Variants in EFCAB8 observed in about 807,000 individuals in gnomAD.
EFCAB8 encodes the protein EF-hand calcium binding domain 8.
In EFCAB8, 100 loss-of-function variants were observed where a neutral mutation model predicts 116.3. The observed-to-expected ratio is 0.86, with a 90% CI of 0.73 to 1.02. The LOEUF is 1.02. EFCAB8 is among the 50% of genes least tolerant of loss of function. EFCAB8 has a pLI of 0.00. For synonymous variants in EFCAB8, 558 were observed against 567.9 expected (o/e 0.98, Z 0.25); for missense variants, 1,320 against 1,416.9 (o/e 0.93, Z 1.10).
At chr20:32,892,332 G>A (rs770927942) in intron 8 of EFCAB8, 35 bp downstream of exon 8, 1 of 1,544,072 alleles carries the variant, frequency 6.5e-7, no homozygotes, top group South Asian at 1.2e-5. Flanking sequence ...ACATGAACCA[G>A]GAGGCCCAGG....
At chr20:32,933,408 A>G (rs1366273932) in intron 22 of EFCAB8, among the ~76,000 whole-genome samples, 2 of 152,226 alleles carry the variant, frequency 1.3e-5, no homozygotes, top group Non-Finnish European at 2.9e-5. Context: ...CTATGTACAC[A>G]TGTGGAATGA....
chr20:32,911,514 T>C lies in EFCAB8; in HGVS notation c.1592T>C (p.Val531Ala). 1 of 1,507,986 alleles carries C rather than the reference T, an allele frequency of 6.6e-7. No homozygotes were observed. Among genetic ancestry groups the C allele is most frequent in the Non-Finnish European group, 8.9e-7 (1 of 1,122,172 alleles). 93.4% of individuals were successfully genotyped at this position (1,507,986 alleles called of 1,614,324 possible). A position where few individuals can be genotyped will look rare whatever the true frequency, so the allele number is the denominator to read the frequency against. Residue 531 changes from valine (V) to alanine (A), a missense_variant, in exon 16 of 27, where the codon GTG becomes GCG. Physicochemically the swap from Val to Ala is moderately conservative, Grantham distance 64. Coordinates refer to ENST00000400522, the MANE Select transcript of EFCAB8 (RefSeq NM_001143967.2). ...VSGCLRGTVS[V>A]WEVVTGRKTM... ...GGCTGCCTGCGCGGCACAGTGAGTG[T>C]GTGGGAGGTCGTGACGGGCAGGAAG... is the stretch of plus-strand genomic sequence containing the variant.
At chr20:32,921,700 CT>C (rs11472143) in intron 20 of EFCAB8, among the ~76,000 whole-genome samples, 21 of 147,036 alleles carry the variant, frequency 1.4e-4, no homozygotes, top group Admixed American at 3.4e-4. Flanking sequence ...TAGCCTTGTA[CT>C]TTTTTTTTTT....
Position 32,861,189 on chromosome 20 carries a change from C to G in EFCAB8, c.-11+2183C>G, listed in dbSNP as rs142721201. Among the ~76,000 whole-genome samples the G allele has an allele frequency of 5.8e-3, 889 of 152,284 alleles. 7 individuals carry two copies. The highest frequency in any genetic ancestry group is 9.7e-3 in the Non-Finnish European group (663 of 68,032). ...TAATGGTTCACTTTTGGTTTTTGCTCCTATGAATGATGCTGCAGCAATCAC... is the reference window on the plus strand; with the variant it reads ...TAATGGTTCACTTTTGGTTTTTGCTGCTATGAATGATGCTGCAGCAATCAC... On this transcript the variant is annotated intron_variant, in intron 1 of 26. Coordinates refer to ENST00000400522, the MANE Select transcript of EFCAB8 (RefSeq NM_001143967.2).
Position 32,960,130 on chromosome 20 carries a change from C to T in EFCAB8, c.3362C>T (p.Thr1121Ile). Residue 1121 changes from threonine to isoleucine, a missense_variant, in exon 26 of 27, where the codon ACC becomes ATC. Coordinates refer to ENST00000400522, the MANE Select transcript of EFCAB8 (RefSeq NM_001143967.2). Reference sequence around the variant, plus strand: ...TTGCAGAATACCAGGTTCCTGTCCACCAGGGTGCCATATGGCTGGATGAAG... The same window carrying T: ...TTGCAGAATACCAGGTTCCTGTCCATCAGGGTGCCATATGGCTGGATGAAG... ...ERLQNTRFLS[T>I]RVPYGWMKHQ... is the part of the protein sequence containing the mutation. 6.4e-7 allele frequency: 1 copy of T among 1,551,710 alleles called. No individual in the cohort carries two copies. Among genetic ancestry groups the T allele is most frequent in the Non-Finnish European group, 8.7e-7 (1 of 1,146,998 alleles).
intron 22 of EFCAB8, among the ~76,000 whole-genome samples, chr20:32,935,670 C>T (rs1028462193): frequency 5.3e-5 from 8 of 151,992 alleles, no homozygotes; most frequent in Non-Finnish European, 7.4e-5. Flanking sequence ...CCACGCCCAA[C>T]TAATTTTGTA....
intron 7 of EFCAB8, 128 bp from the exon 8 acceptor site, chr20:32,892,085 G>T: frequency 1.3e-6 from 1 of 796,696 alleles, no homozygotes; most frequent in Non-Finnish European, 2.1e-6. Context: ...GCTGTCTGTG[G>T]TTGCCATGGG....
chr20:32,917,442 C>A lies in EFCAB8; in HGVS notation c.1998C>A (p.Gly666=). 2.6e-6 allele frequency: 4 copies of A among 1,552,170 alleles called. No homozygotes were observed. Among genetic ancestry groups the A allele is most frequent in the Non-Finnish European group, 3.5e-6 (4 of 1,147,092 alleles). ...GGGACATCCTCTTCTGGAACACCGG[C>A]ACACTCAAGCCCATCTTCAACTTCA... is the stretch of plus-strand genomic sequence containing the variant. The part of the protein sequence containing the change: ...YSGDILFWNT[G]TLKPIFNFNA... The change falls in exon 18 of 27, where the codon GGC becomes GGA. Residue 666 remains glycine (G), a synonymous_variant. Transcript: ENST00000400522.
chr20:32,897,735 A>C (rs1986230833), intron 10 of EFCAB8, among the ~76,000 whole-genome samples: 2 of 152,038 alleles, frequency 1.3e-5, no homozygotes, highest in Admixed American at 1.3e-4. Flanking sequence ...TGGGAAGCTC[A>C]TCTTGGGCTT....
intron 20 of EFCAB8, among the ~76,000 whole-genome samples, chr20:32,929,571 G>A (rs1987813471): frequency 6.8e-6 from 1 of 146,514 alleles, no homozygotes; most frequent in Non-Finnish European, 1.5e-5. Context: ...CGATCTCCTG[G>A]GCTCAAGTGA....
At chr20:32,861,114 TG>T (rs1984092556) in intron 1 of EFCAB8, among the ~76,000 whole-genome samples, 1 of 152,192 alleles carries the variant, frequency 6.6e-6, no homozygotes, top group Non-Finnish European at 1.5e-5. Flanking sequence ...TTCTGATGTT[TG>T]GGTGACGTCC....
chr20:32,863,290 C>T (rs2146162563), intron 1 of EFCAB8, among the ~76,000 whole-genome samples: 1 of 152,212 alleles, frequency 6.6e-6, no homozygotes, highest in African/African-American at 2.4e-5. Flanking sequence ...TCTTTATATT[C>T]CCAGAGCAGA....
chr20:32,917,503 A>G lies in EFCAB8; in HGVS notation c.2059A>G (p.Arg687Gly), dbSNP rs781155582. 2.1e-5 allele frequency: 29 copies of G among 1,409,566 alleles called. No individual in the cohort carries two copies. The highest frequency in any genetic ancestry group is 2.7e-5 in the Non-Finnish European group (29 of 1,059,588). 87.3% of individuals were successfully genotyped at this position (1,409,566 alleles called of 1,614,324 possible). A position where few individuals can be genotyped will look rare whatever the true frequency, so the allele number is the denominator to read the frequency against. ...GAGCCCCTCGCCCTTGCAGCCCAAG[A>G]GGGTATGTTAACAGGAGCACACTCT... is the stretch of plus-strand genomic sequence containing the variant. ...SRSPSPLQPK[R>G]VQDVNNCLAE... The change falls in exon 18 of 27, where the codon AGG (arginine) becomes GGG (glycine). Residue 687 changes from arginine to glycine, a missense_variant and splice_region_variant. Arg to Gly is a moderately radical substitution (Grantham distance 125). Coordinates refer to ENST00000400522, the MANE Select transcript of EFCAB8 (RefSeq NM_001143967.2).
In EFCAB8 at chr20:32,900,515, C is replaced by T. The variant is rs537883287; in HGVS notation, c.1088+1892C>T. Among the ~76,000 whole-genome samples, 11 of 152,014 alleles carry T rather than the reference C, an allele frequency of 7.2e-5. No homozygotes were observed. In the South Asian group the frequency reaches 8.3e-4, roughly 12 times the overall value. On this transcript the variant is annotated intron_variant, in intron 11 of 26. Coordinates refer to ENST00000400522, the MANE Select transcript of EFCAB8 (RefSeq NM_001143967.2). ...AGCTGGGACTACAGGCACGTGCCCCCGTGCTCAGCTAATTTTTGTATTTTT... is the reference window on the plus strand; with the variant it reads ...AGCTGGGACTACAGGCACGTGCCCCTGTGCTCAGCTAATTTTTGTATTTTT...
intron 6 of EFCAB8, among the ~76,000 whole-genome samples, chr20:32,888,287 G>A (rs868678142): frequency 3.3e-5 from 5 of 152,206 alleles, no homozygotes; most frequent in Middle Eastern, 3.4e-3. Context: ...GTGCAGTGGT[G>A]TGATCTCAGC....
At chr20:32,935,188 C>CTTCTTTTTTTTTTTTTTTTT (rs1425422102) in intron 22 of EFCAB8, among the ~76,000 whole-genome samples, 1 of 66,924 alleles carries the variant, frequency 1.5e-5, no homozygotes, top group African/African-American at 7.7e-5. Flanking sequence ...TTCTTTCTTT[C>CTTCTTTTTTTTTTTTTTTTT]TTTCTTTTTT....
intron 23 of EFCAB8, among the ~76,000 whole-genome samples, chr20:32,949,186 C>T (rs1988724004): frequency 6.6e-6 from 1 of 151,884 alleles, no homozygotes; most frequent in South Asian, 2.1e-4. Flanking sequence ...AATGAACAGC[C>T]AGAAATTGAA....
intron 3 of EFCAB8, among the ~76,000 whole-genome samples, chr20:32,869,658 G>A (rs1984592996): frequency 6.6e-6 from 1 of 152,204 alleles, no homozygotes; most frequent in Non-Finnish European, 1.5e-5. Context: ...CTCCAGGGGA[G>A]GGGATCGAAG....
chr20:32,926,527 T>C (rs1463845523), intron 20 of EFCAB8, among the ~76,000 whole-genome samples: 1 of 151,570 alleles, frequency 6.6e-6, no homozygotes, highest in Non-Finnish European at 1.5e-5. Context: ...TTTTTTATTA[T>C]ACTTTAAGTT....
Sources: gnomAD v4.1 joint callset for allele counts (sites outside exome capture counted in the v4.1 genomes callset) on GRCh38, gnomAD v4.1.1 for gene constraint, MANE v1.5 for transcripts, NCBI Gene and HGNC (gene_info 2026-07-23, HGNC 2026-07-21) for gene names.